The following DPY19L3 variants were observed in gnomAD, a reference collection of about 807,000 sequenced individuals.
DPY19L3 encodes the protein protein C-mannosyl-transferase DPY19L3.
DPY19L3 carries 51 observed loss-of-function variants against 92.3 expected under a neutral mutation model. That is an observed-to-expected ratio of 0.55 (90% CI 0.44 to 0.70). The LOEUF (loss-of-function observed/expected upper bound fraction) is 0.70. DPY19L3 is among the 30% of genes least tolerant of loss of function. The pLI is 0.00. For synonymous variants in DPY19L3, 309 were observed against 315.2 expected, an observed-to-expected ratio of 0.98 and a Z score of 0.21; for missense variants, 706 against 855.9, an observed-to-expected ratio of 0.82 and a Z score of 2.18.
chr19:32,480,194 C>T (rs1970629937), intron 17 of DPY19L3, among the ~76,000 whole-genome samples: 1 of 152,192 alleles, frequency 6.6e-6, no homozygotes, highest in African/African-American at 2.4e-5. Flanking sequence ...CACTCTCTTC[C>T]CAAGGCCGAG....
intron 3 of DPY19L3, among the ~76,000 whole-genome samples, chr19:32,425,709 G>C (rs117608215): frequency 0.01 from 1,523 of 151,676 alleles, 12 homozygotes; most frequent in Non-Finnish European, 0.017. Context: ...TTTTTTTTCT[G>C]TGTAGTAGAT....
At chr19:32,421,863 A>C (rs1378968646) in intron 3 of DPY19L3, among the ~76,000 whole-genome samples, 12 of 152,132 alleles carry the variant, frequency 7.9e-5, no homozygotes, top group Non-Finnish European at 1.8e-4. Flanking sequence ...GAGACAAGCC[A>C]TATTTGTTAA....
chr19:32,446,491 A>G (rs1969503324), intron 8 of DPY19L3, among the ~76,000 whole-genome samples: 1 of 152,210 alleles, frequency 6.6e-6, no homozygotes, highest in African/African-American at 2.4e-5. Flanking sequence ...CAAACACAAC[A>G]ATATAGATAA....
At chr19:32,422,478 A>G (rs1255598387) in intron 3 of DPY19L3, among the ~76,000 whole-genome samples, 8 of 152,178 alleles carry the variant, frequency 5.3e-5, no homozygotes, top group Admixed American at 3.3e-4. Flanking sequence ...AGAAAGAGCA[A>G]TGTTGGACAG....
intron 16 of DPY19L3, among the ~76,000 whole-genome samples, chr19:32,475,997 G>A (rs1320466737): frequency 6.6e-6 from 1 of 152,154 alleles, no homozygotes; most frequent in Non-Finnish European, 1.5e-5. Context: ...ACTTAAGAAC[G>A]CTTATTGGAA....
At position 32,411,302 on chromosome 19, in the gene DPY19L3, G is replaced by A. The variant is rs1254011292; in HGVS notation, c.167G>A (p.Cys56Tyr). 6.2e-7 allele frequency: 1 copy of A among 1,613,802 alleles called. No individual in the cohort carries two copies. The change falls in exon 3 of 19, where the codon TGC (cysteine) becomes TAC (tyrosine). Residue 56 changes from cysteine to tyrosine, a missense_variant. Physicochemically the swap from Cys to Tyr is radical, Grantham distance 194. Coordinates refer to ENST00000392250, the MANE Select transcript of DPY19L3 (RefSeq NM_001172774.2). ...SLTIGGTIAL[C>Y]IGLLTSVYLA... is the part of the protein sequence containing the mutation. Reference sequence around the variant, plus strand: ...ACAATTGGTGGAACCATTGCCCTTTGCATTGGACTTCTTACATCTGTCTAC... The same window carrying A: ...ACAATTGGTGGAACCATTGCCCTTTACATTGGACTTCTTACATCTGTCTAC...
intron 13 of DPY19L3, 149 bp downstream of exon 13, chr19:32,463,637 T>C (rs1970109927): frequency 7.7e-6 from 8 of 1,038,744 alleles, no homozygotes; most frequent in Non-Finnish European, 1.1e-5. Context: ...CAGTATAAAA[T>C]ACTCAACATC....
intron 3 of DPY19L3, among the ~76,000 whole-genome samples, chr19:32,413,875 G>A (rs528100948): frequency 3.3e-5 from 5 of 152,094 alleles, no homozygotes; most frequent in Admixed American, 2.6e-4. Flanking sequence ...ACAGGTGCAC[G>A]TCACTGTTCC....
At position 32,482,090 on chromosome 19, in the gene DPY19L3, C is replaced by G. The variant is rs201630952; in HGVS notation, c.2001C>G (p.Gly667=). The G allele has an allele frequency of 3.5e-5, 57 of 1,613,478 alleles. No individual in the cohort carries two copies. Among genetic ancestry groups the G allele is most frequent in the Non-Finnish European group, 4.2e-5 (49 of 1,179,736 alleles). Residue 667 remains glycine, a synonymous_variant, in exon 19 of 19, where the codon GGC becomes GGG. Transcript: ENST00000392250. ...TGTTTTGGTTTTAGATGATGGATGG[C>G]CCAGGAGAGAATGATCCTGATTTGA... ...LDIANGHMMD[G]PGENDPDLKP...
intron 3 of DPY19L3, among the ~76,000 whole-genome samples, chr19:32,422,944 A>G (rs1043029459): frequency 6.6e-6 from 1 of 152,244 alleles, no homozygotes; most frequent in African/African-American, 2.4e-5. Flanking sequence ...GAAAATGCTC[A>G]AGTAAAAGAA....
intron 10 of DPY19L3, among the ~76,000 whole-genome samples, chr19:32,455,528 G>T (rs969823679): frequency 6.6e-6 from 1 of 151,518 alleles, no homozygotes; most frequent in African/African-American, 2.4e-5. Flanking sequence ...TTTTAGTACC[G>T]TAATATACAC....
At chr19:32,421,655 A>C (rs1208338062) in intron 3 of DPY19L3, among the ~76,000 whole-genome samples, 1 of 145,896 alleles carries the variant, frequency 6.9e-6, no homozygotes, top group African/African-American at 2.5e-5. Flanking sequence ...AAGAGAGAGG[A>C]GTCTGTAAGC....
chr19:32,416,384 A>C (rs1041705190), intron 3 of DPY19L3, among the ~76,000 whole-genome samples: 2 of 152,170 alleles, frequency 1.3e-5, no homozygotes, highest in Non-Finnish European at 2.9e-5. Flanking sequence ...GACACCAGCT[A>C]TCCACCGTTA....
intron 13 of DPY19L3, 91 bp from the exon 14 acceptor site, chr19:32,463,778 A>C: frequency 8.5e-7 from 1 of 1,173,826 alleles, no homozygotes; most frequent in Admixed American, 1.8e-5. Flanking sequence ...TTTTGCCGTC[A>C]TAGACTGTAA....
chr19:32,446,658 A>G (rs1197806072), intron 8 of DPY19L3, among the ~76,000 whole-genome samples: 1 of 152,254 alleles, frequency 6.6e-6, no homozygotes, highest in East Asian at 1.9e-4. Context: ...CAATGTACCA[A>G]GAAGAAATAG....
chr19:32,436,200 G>A (rs775813342), intron 4 of DPY19L3, among the ~76,000 whole-genome samples: 1 of 152,196 alleles, frequency 6.6e-6, no homozygotes, highest in Non-Finnish European at 1.5e-5. Flanking sequence ...TTGTGGTGGT[G>A]GTGGTGGTGG....
intron 16 of DPY19L3, among the ~76,000 whole-genome samples, chr19:32,471,307 C>T (rs1033244019): frequency 6.6e-5 from 10 of 152,208 alleles, no homozygotes; most frequent in Admixed American, 6.5e-4. Context: ...CTGTCCTCCC[C>T]AGCCTGTCTT....
At chr19:32,439,015 A>T in intron 6 of DPY19L3, 97 bp from the exon 7 acceptor site, 1 of 1,329,444 alleles carries the variant, frequency 7.5e-7, no homozygotes, top group Non-Finnish European at 1.0e-6. Context: ...TCTTAAGTAT[A>T]CTTGTCCTTA....
In DPY19L3 at chr19:32,477,654, G is replaced by A. The variant is rs557128506; in HGVS notation, c.1830G>A (p.Ala610=). 8.7e-6 allele frequency: 14 copies of A among 1,613,888 alleles called. No homozygotes were observed. The highest frequency in any genetic ancestry group is 3.3e-5 in the Admixed American group (2 of 60,022). The change falls in exon 17 of 19, where the codon GCG becomes GCA. Residue 610 remains alanine (A), a splice_region_variant and synonymous_variant. Transcript: ENST00000392250. ...EDSSLRERTR[A]VYQIYAKRAP... ...GCAGCCTGAGAGAGCGGACCAGAGCGGTGAGGCTCCCCAGTGCCTCCCCTC... is the reference window on the plus strand; with the variant it reads ...GCAGCCTGAGAGAGCGGACCAGAGCAGTGAGGCTCCCCAGTGCCTCCCCTC...
Sources: gnomAD v4.1 joint callset for allele counts (sites outside exome capture counted in the v4.1 genomes callset) on GRCh38, gnomAD v4.1.1 for gene constraint, MANE v1.5 for transcripts, NCBI Gene and HGNC (gene_info 2026-07-23, HGNC 2026-07-21) for gene names.